Variants in STK33 observed in about 807,000 individuals in gnomAD.
The protein encoded by STK33 is serine/threonine kinase 33, also known as serine/threonine-protein kinase 33.
STK33 carries 52 observed loss-of-function variants against 58.0 expected under a neutral mutation model. The observed-to-expected ratio is 0.90, with a 90% confidence interval of 0.72 to 1.13. The LOEUF is 1.13. STK33 is among the 50% of genes most tolerant of loss of function. The probability of loss-of-function intolerance (pLI) is 0.00; values close to 1 mark genes in which losing one functional copy is unlikely to be tolerated. For missense variants in STK33, 630 were observed against 604.2 expected (o/e 1.04, Z -0.45); for synonymous variants, 215 against 200.1 (o/e 1.07, Z -0.63).
intron 6 of STK33, among the ~76,000 whole-genome samples, chr11:8,469,815 G>C (rs1948599714): frequency 6.6e-6 from 1 of 152,216 alleles, no homozygotes; most frequent in Non-Finnish European, 1.5e-5. Context: ...TAGAGCTCTT[G>C]GGTGACCAGG....
chr11:8,341,848 T>A, the STK33 span, among the ~76,000 whole-genome samples: 1 of 152,236 alleles, frequency 6.6e-6, no homozygotes, highest in Non-Finnish European at 1.5e-5. Flanking sequence ...TAAATTGTTG[T>A]GATCATGAGA....
intron 15 of STK33, among the ~76,000 whole-genome samples, chr11:8,406,108 ACTC>A (rs1939128593): frequency 7.2e-6 from 1 of 138,414 alleles, no homozygotes; most frequent in Non-Finnish European, 1.5e-5. Flanking sequence ...GCGCCACCGC[ACTC>A]CAGGCTGGGT....
chr11:8,336,648 G>A, the STK33 span, among the ~76,000 whole-genome samples: 2 of 152,274 alleles, frequency 1.3e-5, no homozygotes, highest in African/African-American at 4.8e-5. Flanking sequence ...AGGAGAACAA[G>A]ACCTAGCCCT....
intron 13 of STK33, among the ~76,000 whole-genome samples, chr11:8,435,805 T>C (rs577358882): frequency 1.3e-5 from 2 of 152,310 alleles, no homozygotes. Context: ...AGCTAGATGA[T>C]CAGCAAATTT....
At chr11:8,460,319 C>T (rs2137226915) in intron 8 of STK33, among the ~76,000 whole-genome samples, 1 of 152,126 alleles carries the variant, frequency 6.6e-6, no homozygotes, top group Admixed American at 6.5e-5. Flanking sequence ...GACATTAAAA[C>T]AGTTATTATA....
intron 1 of STK33, among the ~76,000 whole-genome samples, chr11:8,489,257 C>CAAAAAAA (rs377017514): frequency 1.6e-5 from 1 of 64,356 alleles, no homozygotes; most frequent in Admixed American, 1.7e-4. Context: ...AAGCTATCTC[C>CAAAAAAA]AAAAAAAAAA....
At chr11:8,367,379 G>C in the STK33 span, among the ~76,000 whole-genome samples, 2 of 152,216 alleles carry the variant, frequency 1.3e-5, no homozygotes, top group African/African-American at 4.8e-5. Flanking sequence ...ATGCTGACGT[G>C]TGTTCACATC....
intron 1 of STK33, among the ~76,000 whole-genome samples, chr11:8,571,896 TAAAAAA>T (rs1160298732): frequency 3.7e-5 from 5 of 133,926 alleles, no homozygotes; most frequent in African/African-American, 1.4e-4. Flanking sequence ...AAAAAAATTT[TAAAAAA>T]ATTTAAATTA....
In STK33 at chr11:8,457,424, T is replaced by A. The variant is rs1307506410; in HGVS notation, c.614A>T (p.Asp205Val). ...ATTCTCTGAGAAATGCCCTTTCCTA[T>A]CCAGAATTTCTTTGAGTTCTCCATC... ...CEDGELKEIL[D>V]RKGHFSENET... Residue 205 changes from aspartate to valine, a missense_variant, in exon 9 of 16, where the codon GAT (aspartate) becomes GTT (valine). Asp to Val is a radical substitution (Grantham distance 152, BLOSUM62 -3). Transcript: ENST00000687296. 1.2e-6 allele frequency: 2 copies of A among 1,607,404 alleles called. No homozygotes were observed. The highest frequency in any genetic ancestry group is 2.2e-5 in the South Asian group (2 of 90,120).
At chr11:8,352,951 C>T in the STK33 span, among the ~76,000 whole-genome samples, 3 of 152,190 alleles carry the variant, frequency 2.0e-5, no homozygotes, top group African/African-American at 7.2e-5. Context: ...AAATCAGAGC[C>T]CAGGCTCATG....
Position 8,593,217 on chromosome 11 carries a change from G to A in STK33, c.-466+866C>T, listed in dbSNP as rs1207838197. On this transcript the variant is annotated intron_variant, in intron 1 of 15. Transcript: ENST00000687296. Reference sequence around the variant, plus strand: ...TATCCATCACTGTCTAAAGGCACGGGCCTGGAGAACAAGGAAAGAGTTTGG... The same window carrying A: ...TATCCATCACTGTCTAAAGGCACGGACCTGGAGAACAAGGAAAGAGTTTGG... Among the ~76,000 whole-genome samples, 9 of 152,288 alleles carry A rather than the reference G, an allele frequency of 5.9e-5. No individual in the cohort carries two copies. In the East Asian group the frequency reaches 1.7e-3, roughly 29 times the overall value.
intron 9 of STK33, among the ~76,000 whole-genome samples, chr11:8,455,609 C>A (rs563337395): frequency 1.8e-3 from 276 of 151,922 alleles, no homozygotes; most frequent in Admixed American, 4.0e-3. Flanking sequence ...GAGATCAAGA[C>A]CATCCTGGCT....
At chr11:8,440,801 CT>C in intron 11 of STK33, 48 bp from the exon 12 acceptor site, 1 of 1,490,954 alleles carries the variant, frequency 6.7e-7, no homozygotes, top group Non-Finnish European at 9.1e-7. Flanking sequence ...CAATAAATGT[CT>C]TTTAAATGCT....
intron 14 of STK33, among the ~76,000 whole-genome samples, chr11:8,433,691 G>T (rs1477035225): frequency 6.6e-6 from 1 of 152,094 alleles, no homozygotes; most frequent in African/African-American, 2.4e-5. Flanking sequence ...CATCCAACCA[G>T]TTGTTAGAAT....
chr11:8,430,646 T>C (rs1943305405), intron 14 of STK33, among the ~76,000 whole-genome samples: 1 of 152,194 alleles, frequency 6.6e-6, no homozygotes, highest in South Asian at 2.1e-4. Flanking sequence ...TACATTTACA[T>C]CCTTGTTGAT....
chr11:8,441,940 T>C (rs895456719), intron 11 of STK33, among the ~76,000 whole-genome samples: 1 of 152,052 alleles, frequency 6.6e-6, no homozygotes, highest in African/African-American at 2.4e-5. Flanking sequence ...ACTTGCCTAA[T>C]GTTACACAGC....
At chr11:8,405,137 C>T (rs1381554614) in intron 15 of STK33, among the ~76,000 whole-genome samples, 3 of 152,140 alleles carry the variant, frequency 2.0e-5, no homozygotes, top group East Asian at 3.9e-4. Context: ...CTCCATCACA[C>T]ACATAAAAAA....
intron 1 of STK33, among the ~76,000 whole-genome samples, chr11:8,517,101 C>G (rs1446575432): frequency 6.6e-6 from 1 of 152,194 alleles, no homozygotes. Flanking sequence ...CAACTGATAC[C>G]TCATACAGCC....
chr11:8,372,826 G>A, the STK33 span, among the ~76,000 whole-genome samples: 780 of 152,340 alleles, frequency 5.1e-3, 3 homozygotes, highest in African/African-American at 0.01. Context: ...GGCTGAGGGC[G>A]TGGCGGCCTC....
Sources: gnomAD v4.1 joint callset for allele counts (sites outside exome capture counted in the v4.1 genomes callset) on GRCh38, gnomAD v4.1.1 for gene constraint, MANE v1.5 for transcripts, NCBI Gene and HGNC (gene_info 2026-07-23, HGNC 2026-07-21) for gene names.